AKAP19: variants seen among roughly 807,000 people sequenced by gnomAD.
The protein encoded by AKAP19 is small A-kinase anchoring protein.
At chr2:190,103,687 A>G in the AKAP19 span, among the ~76,000 whole-genome samples, 1 of 152,260 alleles carries the variant, frequency 6.6e-6, no homozygotes, top group African/African-American at 2.4e-5. Context: ...GAAATCATAG[A>G]TGACACAAAC....
the AKAP19 span, among the ~76,000 whole-genome samples, chr2:190,063,760 G>T: frequency 6.6e-6 from 1 of 152,064 alleles, no homozygotes; most frequent in African/African-American, 2.4e-5. Context: ...CAGACACCTG[G>T]CAGGGATTTG....
the AKAP19 span, among the ~76,000 whole-genome samples, chr2:189,978,558 A>G: frequency 6.6e-6 from 1 of 152,222 alleles, no homozygotes; most frequent in African/African-American, 2.4e-5. Flanking sequence ...CGAAGTTTGC[A>G]GTGAGCTGAG....
At chr2:189,929,453 C>T in the AKAP19 span, among the ~76,000 whole-genome samples, 11 of 151,922 alleles carry the variant, frequency 7.2e-5, no homozygotes, top group Non-Finnish European at 1.2e-4. Context: ...TAAAATTTAC[C>T]TTGATTTTCA....
the AKAP19 span, among the ~76,000 whole-genome samples, chr2:189,972,707 A>C: frequency 6.6e-6 from 1 of 152,010 alleles, no homozygotes; most frequent in Non-Finnish European, 1.5e-5. Context: ...CATCCCTTGT[A>C]AGTTGGATTC....
the AKAP19 span, among the ~76,000 whole-genome samples, chr2:190,070,033 T>G: frequency 6.6e-6 from 1 of 152,212 alleles, no homozygotes; most frequent in African/African-American, 2.4e-5. Context: ...TTAACTTCTT[T>G]ATGTTGAATT....
chr2:190,199,513 T>A, the AKAP19 span, among the ~76,000 whole-genome samples: 7 of 152,344 alleles, frequency 4.6e-5, no homozygotes, highest in South Asian at 1.0e-3. Flanking sequence ...AGTTTTCCTA[T>A]TTTGCAAGTT....
At chr2:190,023,223 T>A in the AKAP19 span, among the ~76,000 whole-genome samples, 1 of 152,178 alleles carries the variant, frequency 6.6e-6, no homozygotes, top group Non-Finnish European at 1.5e-5. Context: ...ATAAACACAT[T>A]AAACACAATA....
chr2:190,001,382 CT>C, the AKAP19 span, among the ~76,000 whole-genome samples: 1 of 152,108 alleles, frequency 6.6e-6, no homozygotes, highest in Non-Finnish European at 1.5e-5. Flanking sequence ...TTCCCTGTTT[CT>C]TTGCATGCCT....
At chr2:189,915,174 G>GT in the AKAP19 span, among the ~76,000 whole-genome samples, 288 of 150,802 alleles carry the variant, frequency 1.9e-3, 5 homozygotes, top group East Asian at 0.042. Flanking sequence ...CACTAGAACT[G>GT]TTTTTTTTTA....
the AKAP19 span, among the ~76,000 whole-genome samples, chr2:190,026,897 A>T: frequency 6.6e-6 from 1 of 152,228 alleles, no homozygotes; most frequent in Non-Finnish European, 1.5e-5. Flanking sequence ...ACCTAGATTA[A>T]TAAAACCAGT....
chr2:190,054,039 T>C, the AKAP19 span, among the ~76,000 whole-genome samples: 3 of 152,038 alleles, frequency 2.0e-5, no homozygotes, highest in African/African-American at 4.8e-5. Flanking sequence ...AGTTTGAAAA[T>C]TGGTGCTCAC....
chr2:190,017,923 G>A, the AKAP19 span, among the ~76,000 whole-genome samples: 6 of 152,056 alleles, frequency 3.9e-5, no homozygotes. Flanking sequence ...GCTTTTCTGG[G>A]TAAATATTCT....
At chr2:190,046,139 G>T in the AKAP19 span, among the ~76,000 whole-genome samples, 1 of 151,516 alleles carries the variant, frequency 6.6e-6, no homozygotes, top group Non-Finnish European at 1.5e-5. Flanking sequence ...TAGTCCCAGC[G>T]TGAGTACCTG....
At chr2:189,985,354 A>C in the AKAP19 span, among the ~76,000 whole-genome samples, 2 of 152,054 alleles carry the variant, frequency 1.3e-5, no homozygotes, top group Non-Finnish European at 2.9e-5. Context: ...TGCATTTTCA[A>C]CTTACGATAT....
At chr2:190,184,391 A>T in the AKAP19 span, among the ~76,000 whole-genome samples, 107 of 152,218 alleles carry the variant, frequency 7.0e-4, no homozygotes, top group Non-Finnish European at 1.3e-3. Context: ...AACTATGTAA[A>T]TTTCACTGTG....
At chr2:189,973,235 G>A in the AKAP19 span, among the ~76,000 whole-genome samples, 1 of 152,186 alleles carries the variant, frequency 6.6e-6, no homozygotes, top group African/African-American at 2.4e-5. Flanking sequence ...CATCTATTGA[G>A]ATAATCATGT....
At chr2:189,994,777 T>C in the AKAP19 span, among the ~76,000 whole-genome samples, 1 of 152,016 alleles carries the variant, frequency 6.6e-6, no homozygotes, top group East Asian at 1.9e-4. Flanking sequence ...TTTTGTATTT[T>C]TAGTAAAGAC....
the AKAP19 span, among the ~76,000 whole-genome samples, chr2:190,166,044 T>C: frequency 6.6e-6 from 1 of 152,006 alleles, no homozygotes; most frequent in African/African-American, 2.4e-5. Context: ...GATTACTAAA[T>C]GATGTACTAA....
chr2:189,991,114 G>A, the AKAP19 span, among the ~76,000 whole-genome samples: 2 of 152,022 alleles, frequency 1.3e-5, no homozygotes, highest in Admixed American at 6.6e-5. Context: ...CATTTAGACT[G>A]GTTTTATATT....
Sources: gnomAD v4.1 joint callset for allele counts (sites outside exome capture counted in the v4.1 genomes callset) on GRCh38, gnomAD v4.1.1 for gene constraint, MANE v1.5 for transcripts, NCBI Gene and HGNC (gene_info 2026-07-23, HGNC 2026-07-21) for gene names.